Variants in ADNP observed in about 807,000 individuals in gnomAD.
ADNP encodes the protein activity-dependent neuroprotector homeobox protein.
ADNP carries 4 observed loss-of-function variants against 84.9 expected under a neutral mutation model. The observed-to-expected ratio is 0.05, with a 90% confidence interval of 0.02 to 0.11. The LOEUF is 0.11. ADNP is among the 10% of genes least tolerant of loss of function. The probability of loss-of-function intolerance (pLI) is 1.00; values close to 1 mark genes in which losing one functional copy is unlikely to be tolerated. For synonymous variants in ADNP, 554 were observed against 468.1 expected (o/e 1.18, Z -2.37); for missense variants, 1,132 against 1,326.0 (o/e 0.85, Z 2.27).
intron 2 of ADNP, among the ~76,000 whole-genome samples, chr20:50,906,195 C>T (rs893333312): frequency 3.9e-5 from 6 of 152,206 alleles, no homozygotes; most frequent in South Asian, 2.1e-4. Flanking sequence ...ATGGCGAGAG[C>T]GAGATTCCAT....
chr20:50,928,997 T>C (rs1426474397), intron 1 of ADNP, among the ~76,000 whole-genome samples, 172 bp from the exon 2 acceptor site: 1 of 152,204 alleles, frequency 6.6e-6, no homozygotes, highest in Non-Finnish European at 1.5e-5. Flanking sequence ...CAATCAACAC[T>C]TGAGTTCGAC....
intron 2 of ADNP, among the ~76,000 whole-genome samples, chr20:50,919,797 A>T (rs990717003): frequency 2.0e-5 from 3 of 152,146 alleles, no homozygotes; most frequent in Non-Finnish European, 4.4e-5. Flanking sequence ...GCTCAACTCC[A>T]CTGAGTCAGA....
intron 5 of ADNP, among the ~76,000 whole-genome samples, chr20:50,899,812 A>T: frequency 6.6e-6 from 1 of 150,862 alleles, no homozygotes; most frequent in Non-Finnish European, 1.5e-5. Context: ...AAAGTTTAAG[A>T]CTAGGAAAAA....
At chr20:50,928,355 G>C (rs1394021653) in intron 2 of ADNP, among the ~76,000 whole-genome samples, 1 of 152,204 alleles carries the variant, frequency 6.6e-6, no homozygotes, top group Non-Finnish European at 1.5e-5. Flanking sequence ...AGCAACTCTA[G>C]AGATTGGGTT....
chr20:50,903,173 G>T (rs754800786), intron 4 of ADNP, among the ~76,000 whole-genome samples: 1 of 152,120 alleles, frequency 6.6e-6, no homozygotes, highest in African/African-American at 2.4e-5. Flanking sequence ...GTTAGTGGGG[G>T]AAACAGCTTC....
rs768217716 is a variant in ADNP at position 50,928,835 on chromosome 20, TAAC to T, written c.-264-13_-264-11del. 2.0e-4 allele frequency: 31 copies of T among 152,274 alleles called. No individual in the cohort carries two copies. The highest frequency in any genetic ancestry group is 4.1e-4 in the Non-Finnish European group (28 of 68,030). The allele number at this position is 152,274 out of a possible 1,614,324, so 9.4% of individuals were successfully genotyped here. On this transcript the variant is annotated splice_polypyrimidine_tract_variant and intron_variant, in intron 1 of 5. Coordinates refer to ENST00000621696, the MANE Select transcript of ADNP (RefSeq NM_001282531.3). ...ATTGTGCATCTCACACCTATGGAAA[TAAC>T]AAGAGGAGTAAAATCTATGGAAATC...
Position 50,927,458 on chromosome 20 carries a change from T to C in ADNP, c.-90+1193A>G, listed in dbSNP as rs146463891. On this transcript the variant is annotated intron_variant, in intron 2 of 5. Coordinates refer to ENST00000621696, the MANE Select transcript of ADNP (RefSeq NM_001282531.3). The stretch of plus-strand genomic sequence containing the variant: ...CTACTTAAAGTTCAGTTAAACAGAA[T>C]ACCCATTCCCCACACTCTAGTTAAT... Among the ~76,000 whole-genome samples the C allele has an allele frequency of 2.6e-5, 4 of 152,302 alleles. No homozygotes were observed. In the East Asian group the frequency reaches 5.8e-4, roughly 22 times the overall value.
At chr20:50,918,175 TA>T (rs1293947905) in intron 2 of ADNP, among the ~76,000 whole-genome samples, 1 of 152,094 alleles carries the variant, frequency 6.6e-6, no homozygotes, top group Non-Finnish European at 1.5e-5. Flanking sequence ...TCTTTTTTTT[TA>T]AAGTGGCTAC....
intron 2 of ADNP, among the ~76,000 whole-genome samples, chr20:50,919,287 A>ACCTATATATATATATAT (rs776823194): frequency 7.8e-6 from 1 of 128,064 alleles, no homozygotes; most frequent in Non-Finnish European, 1.5e-5. Context: ...ACATATATTT[A>ACCTATATATATATATAT]AGTGTATATA....
At chr20:50,895,094 T>C (rs908097981) in intron 5 of ADNP, among the ~76,000 whole-genome samples, 4 of 152,226 alleles carry the variant, frequency 2.6e-5, no homozygotes, top group South Asian at 2.1e-4. Flanking sequence ...GATAAACATT[T>C]TGCAGCTAGA....
At chr20:50,919,554 G>C (rs1194036531) in intron 2 of ADNP, among the ~76,000 whole-genome samples, 1 of 152,048 alleles carries the variant, frequency 6.6e-6, no homozygotes, top group African/African-American at 2.4e-5. Flanking sequence ...TCTCTGCCTA[G>C]AAAAGGCTTA....
At chr20:50,923,305 C>T (rs1337753200) in intron 2 of ADNP, among the ~76,000 whole-genome samples, 2 of 152,146 alleles carry the variant, frequency 1.3e-5, no homozygotes, top group Non-Finnish European at 2.9e-5. Context: ...GAAATAATTT[C>T]CCACAATAGG....
At chr20:50,910,687 C>G (rs752157434) in intron 2 of ADNP, among the ~76,000 whole-genome samples, 2 of 152,126 alleles carry the variant, frequency 1.3e-5, no homozygotes, top group Non-Finnish European at 2.9e-5. Flanking sequence ...GGGTCTCACT[C>G]TGTGTTACCC....
At chr20:50,908,790 A>G (rs1982747744) in intron 2 of ADNP, among the ~76,000 whole-genome samples, 1 of 151,940 alleles carries the variant, frequency 6.6e-6, no homozygotes, top group East Asian at 1.9e-4. Flanking sequence ...AAGAAAAAAA[A>G]AGTTATCTAT....
At chr20:50,926,230 T>C (rs1376184175) in intron 2 of ADNP, among the ~76,000 whole-genome samples, 3 of 152,234 alleles carry the variant, frequency 2.0e-5, no homozygotes, top group African/African-American at 7.2e-5. Context: ...AATGTTTCTC[T>C]TAATGTACAT....
At chr20:50,908,741 T>C (rs568598046) in intron 2 of ADNP, among the ~76,000 whole-genome samples, 1 of 151,858 alleles carries the variant, frequency 6.6e-6, no homozygotes, top group African/African-American at 2.4e-5. Context: ...GCCACTGCAC[T>C]CCAGCCTGGG....
intron 4 of ADNP, among the ~76,000 whole-genome samples, 173 bp from the exon 5 acceptor site, chr20:50,902,282 T>C (rs1009547821): frequency 2.0e-5 from 3 of 152,132 alleles, no homozygotes; most frequent in Non-Finnish European, 4.4e-5. Flanking sequence ...CATATGGAAG[T>C]TGCAGTCTAC....
chr20:50,927,278 G>A (rs939459309), intron 2 of ADNP, among the ~76,000 whole-genome samples: 4 of 152,110 alleles, frequency 2.6e-5, no homozygotes, highest in Non-Finnish European at 5.9e-5. Flanking sequence ...GGTTGGAAGG[G>A]CCAAGGGTCA....
chr20:50,930,356 C>G (rs967538203), intron 1 of ADNP, among the ~76,000 whole-genome samples: 1 of 152,084 alleles, frequency 6.6e-6, no homozygotes, highest in Non-Finnish European at 1.5e-5. Context: ...CCCGCCCCCC[C>G]CAACCCCGTC....
Sources: gnomAD v4.1 joint callset for allele counts (sites outside exome capture counted in the v4.1 genomes callset) on GRCh38, gnomAD v4.1.1 for gene constraint, MANE v1.5 for transcripts, NCBI Gene and HGNC (gene_info 2026-07-23, HGNC 2026-07-21) for gene names.